Variants in GIN1 observed in about 807,000 individuals in gnomAD.
GIN1 encodes the protein gypsy retrotransposon integrase 1.
Under a neutral mutation model 51.4 loss-of-function variants are expected in GIN1, and 41 were observed. The observed-to-expected ratio is 0.80, with a 90% CI of 0.62 to 1.04. The LOEUF is 1.04. GIN1 is among the 50% of genes least tolerant of loss of function. The pLI is 0.00. For synonymous variants in GIN1, 222 were observed against 206.5 expected (o/e 1.07, Z -0.64); for missense variants, 610 against 612.4 (o/e 1.00, Z 0.04).
At chr5:103,088,638 C>A (rs1462479092) in intron 7 of GIN1, among the ~76,000 whole-genome samples, 1 of 152,038 alleles carries the variant, frequency 6.6e-6, no homozygotes, top group Non-Finnish European at 1.5e-5. Context: ...ACAAAAAATA[C>A]AAACAATTAG....
chr5:103,114,059 A>T (rs1307529538), intron 1 of GIN1, among the ~76,000 whole-genome samples: 1 of 150,566 alleles, frequency 6.6e-6, no homozygotes, highest in Non-Finnish European at 1.5e-5. Context: ...ACACCTTTTC[A>T]TTGATATTTT....
Position 103,108,605 on chromosome 5 carries a change from C to A in GIN1, c.103G>T (p.Gly35Cys). The part of the protein sequence containing the change: ...HSTTLPSERS[G>C]IRRAAKKFVF... ...AATTTTTTTGCTGCTCTTCTTATGC[C>A]ACTTCTCTCACTTGGCAGTGTAGTT... The change falls in exon 2 of 8, where the codon GGC becomes TGC. Residue 35 changes from glycine (G) to cysteine (C), a missense_variant. Transcript: ENST00000399004. 1 of 1,604,532 alleles carries A rather than the reference C, an allele frequency of 6.2e-7. No homozygotes were observed. Among genetic ancestry groups the A allele is most frequent in the South Asian group, 1.1e-5 (1 of 89,878 alleles).
chr5:103,087,792 A>G lies in GIN1; in HGVS notation c.*106T>C, dbSNP rs1787115046. The G allele has an allele frequency of 3.5e-6, 2 of 564,970 alleles. No homozygotes were observed. Among genetic ancestry groups the G allele is most frequent in the African/African-American group, 1.9e-5 (1 of 52,730 alleles). 35.0% of individuals were successfully genotyped at this position (564,970 alleles called of 1,614,324 possible). A position where few individuals can be genotyped will look rare whatever the true frequency, so the allele number is the denominator to read the frequency against. ...TAAAATAAACCTTCAGAATATAGTC[A>G]TTAAGAATGTGTCAAGATACTTCTT... On this transcript the variant is annotated 3_prime_UTR_variant, in exon 8 of 8. Transcript: ENST00000399004.
rs782766428 is a variant in GIN1, at chr5:103,097,442, A to G, written c.880T>C (p.Tyr294His). Residue 294 changes from tyrosine (Y) to histidine (H), a missense_variant, in exon 6 of 8, where the codon TAT becomes CAT. Tyr to His is a moderately conservative substitution (Grantham distance 83, BLOSUM62 2). Transcript: ENST00000399004. The part of the protein sequence containing the change: ...PYFQMFSRNP[Y>H]MPETSDSLHE... Reference sequence around the variant, plus strand: ...AGACTATCTGAAGTCTCAGGCATATAAGGATTTCGACTAAACATTTGAAAA... The same window carrying G: ...AGACTATCTGAAGTCTCAGGCATATGAGGATTTCGACTAAACATTTGAAAA... The G allele has an allele frequency of 1.5e-5, 23 of 1,580,554 alleles. No homozygotes were observed. Among genetic ancestry groups the G allele is most frequent in the Non-Finnish European group, 2.0e-5 (23 of 1,151,550 alleles).
At chr5:103,093,301 TAGAAGAGGGAGGC>T (rs1357750503) in intron 7 of GIN1, among the ~76,000 whole-genome samples, 1 of 151,966 alleles carries the variant, frequency 6.6e-6, no homozygotes, top group Non-Finnish European at 1.5e-5. Flanking sequence ...TCCTCAAATA[TAGAAGAGGGAGGC>T]AGAAGAGGAG....
At chr5:103,115,650 C>T (rs1788011680) in intron 1 of GIN1, among the ~76,000 whole-genome samples, 2 of 152,110 alleles carry the variant, frequency 1.3e-5, no homozygotes, top group Non-Finnish European at 1.5e-5. Context: ...AGCCACTGAA[C>T]TGCACACTTA....
At chr5:103,088,825 T>A (rs1554194219) in intron 7 of GIN1, among the ~76,000 whole-genome samples, 1 of 152,144 alleles carries the variant, frequency 6.6e-6, no homozygotes, top group Non-Finnish European at 1.5e-5. Flanking sequence ...TTTTTGATAA[T>A]GTTATCCTTA....
chr5:103,112,275 GTAT>G (rs1364528532), intron 1 of GIN1, among the ~76,000 whole-genome samples: 1 of 151,834 alleles, frequency 6.6e-6, no homozygotes, highest in Non-Finnish European at 1.5e-5. Context: ...TTTCACAAGT[GTAT>G]TATTTTCATT....
chr5:103,111,170 G>A (rs941038347), intron 1 of GIN1, among the ~76,000 whole-genome samples: 5 of 148,664 alleles, frequency 3.4e-5, no homozygotes, highest in African/African-American at 1.2e-4. Context: ...TGCATTAATC[G>A]TCCTCAACTC....
intron 1 of GIN1, among the ~76,000 whole-genome samples, chr5:103,111,186 A>G (rs1291158324): frequency 6.6e-6 from 1 of 152,014 alleles, no homozygotes; most frequent in African/African-American, 2.4e-5. Context: ...AACTCTTAAA[A>G]AAAAAAGAAA....
chr5:103,093,643 T>C (rs1216848727), intron 7 of GIN1, among the ~76,000 whole-genome samples: 1 of 152,214 alleles, frequency 6.6e-6, no homozygotes, highest in Non-Finnish European at 1.5e-5. Flanking sequence ...CAAATGGGGC[T>C]TTCAACTGTG....
intron 1 of GIN1, 144 bp from the exon 2 acceptor site, chr5:103,108,858 G>A (rs1787799720): frequency 1.6e-6 from 1 of 611,162 alleles, no homozygotes; most frequent in Non-Finnish European, 2.8e-6. Context: ...TGCAGTACAG[G>A]AAAGGAACAG....
At chr5:103,109,949 A>G (rs1442341650) in intron 1 of GIN1, among the ~76,000 whole-genome samples, 1 of 152,170 alleles carries the variant, frequency 6.6e-6, no homozygotes, top group Non-Finnish European at 1.5e-5. Flanking sequence ...TGTAAAGTCA[A>G]TACGTTTACA....
intron 1 of GIN1, among the ~76,000 whole-genome samples, 172 bp downstream of exon 1, chr5:103,119,892 C>T (rs1222511916): frequency 6.6e-6 from 1 of 152,226 alleles, no homozygotes; most frequent in Non-Finnish European, 1.5e-5. Context: ...CGCGGGACAT[C>T]GCAACGCCCA....
In GIN1 at chr5:103,087,200, T is replaced by A. The variant is rs1787098847; in HGVS notation, c.*698A>T. ...TGTGTTGCCCAGGCTGGTCTCGAAC[T>A]CCTGGGGTCAAGTGATCATCCTGCC... is the stretch of plus-strand genomic sequence containing the variant. On this transcript the variant is annotated 3_prime_UTR_variant, in exon 8 of 8. Transcript: ENST00000399004. 1 of 152,332 alleles carries A rather than the reference T, an allele frequency of 6.6e-6. No individual in the cohort carries two copies. Among genetic ancestry groups the A allele is most frequent in the Non-Finnish European group, 1.5e-5 (1 of 68,118 alleles). The allele number at this position is 152,332 out of a possible 1,614,324, so 9.4% of individuals were successfully genotyped here. A position where few individuals can be genotyped will look rare whatever the true frequency, so the allele number is the denominator to read the frequency against.
chr5:103,093,658 G>A (rs907661472), intron 7 of GIN1, among the ~76,000 whole-genome samples: 2 of 152,170 alleles, frequency 1.3e-5, no homozygotes, highest in African/African-American at 4.8e-5. Flanking sequence ...ACTGTGAAGG[G>A]AAATCAGGCT....
chr5:103,096,658 T>C lies in GIN1; in HGVS notation c.1177A>G (p.Ile393Val), dbSNP rs376587037. The C allele has an allele frequency of 8.8e-5, 142 of 1,613,976 alleles. No individual in the cohort carries two copies. Among genetic ancestry groups the C allele is most frequent in the Non-Finnish European group, 1.1e-4 (128 of 1,179,944 alleles). The stretch of plus-strand genomic sequence containing the variant: ...CATCCACTTTCTGTAATATAGTCTA[T>C]GACACAAGGACCAACCCATTCAGAC... ...FQSEWVGPCVIDYITESGCAV... is the reference protein window; with the variant it reads ...FQSEWVGPCVVDYITESGCAV... The change falls in exon 7 of 8, where the codon ATA becomes GTA. Residue 393 changes from isoleucine (I) to valine (V), a missense_variant. By Grantham distance (29) the Ile-to-Val change is conservative (BLOSUM62 3). Transcript: ENST00000399004.
chr5:103,088,461 C>T (rs557348395), intron 7 of GIN1, among the ~76,000 whole-genome samples: 4 of 152,106 alleles, frequency 2.6e-5, no homozygotes, highest in African/African-American at 7.2e-5. Flanking sequence ...ATGCGGACAA[C>T]GGGATAGAAG....
chr5:103,089,834 A>G (rs1787187497), intron 7 of GIN1, among the ~76,000 whole-genome samples: 1 of 152,170 alleles, frequency 6.6e-6, no homozygotes, highest in Non-Finnish European at 1.5e-5. Flanking sequence ...CACTGAACCT[A>G]TTTCAACCCC....
Sources: gnomAD v4.1 joint callset for allele counts (sites outside exome capture counted in the v4.1 genomes callset) on GRCh38, gnomAD v4.1.1 for gene constraint, MANE v1.5 for transcripts, NCBI Gene and HGNC (gene_info 2026-07-23, HGNC 2026-07-21) for gene names.